The following PCDHGB5 variants were observed in gnomAD, a reference collection of about 807,000 sequenced individuals.
PCDHGB5 encodes the protein protocadherin gamma subfamily B, 5.
A neutral mutation model predicts 62.9 loss-of-function variants in PCDHGB5; 48 were observed. That is an observed-to-expected ratio of 0.76 (90% CI 0.61 to 0.97). PCDHGB5 has a LOEUF of 0.97. PCDHGB5 is among the 50% of genes least tolerant of loss of function. PCDHGB5 has a pLI of 0.00. For synonymous variants in PCDHGB5, 474 were observed against 511.2 expected, an observed-to-expected ratio of 0.93 and a Z score of 0.98; for missense variants, 1,118 against 1,198.6, an observed-to-expected ratio of 0.93 and a Z score of 0.99.
At chr5:141,458,217 T>C (rs1026901943) in intron 1 of PCDHGB5, among the ~76,000 whole-genome samples, 1 of 152,210 alleles carries the variant, frequency 6.6e-6, no homozygotes, top group Admixed American at 6.5e-5. Context: ...AAAATAAGTT[T>C]CCTTTCCCAG....
chr5:141,425,207 G>A lies in PCDHGB5; in HGVS notation c.2397+24683G>A, dbSNP rs546494803. 1.8e-3 allele frequency among the ~76,000 whole-genome samples: 281 copies of A among 152,238 alleles called. 1 individual carries two copies. The highest frequency in any genetic ancestry group is 6.6e-3 in the African/African-American group (274 of 41,534). ...TCCAAACTGAGAAAAATGATGTAAG[G>A]CATTGTACTTTGACTGGAATTAGTT... On this transcript the variant is annotated intron_variant, in intron 1 of 3. Coordinates refer to ENST00000617380, the MANE Select transcript of PCDHGB5 (RefSeq NM_018925.3).
intron 1 of PCDHGB5, among the ~76,000 whole-genome samples, chr5:141,453,710 A>C (rs988115758): frequency 3.9e-5 from 6 of 152,242 alleles, no homozygotes; most frequent in African/African-American, 1.4e-4. Context: ...GAACAGTTTC[A>C]CTATAAAAAT....
intron 1 of PCDHGB5, among the ~76,000 whole-genome samples, chr5:141,460,983 G>GTA (rs59296681): frequency 9.4e-4 from 130 of 137,840 alleles, no homozygotes; most frequent in Middle Eastern, 3.8e-3. Context: ...GTGTGTGTGT[G>GTA]TATATATATA....
chr5:141,457,336 C>T (rs1032184011), intron 1 of PCDHGB5, among the ~76,000 whole-genome samples: 6 of 152,158 alleles, frequency 3.9e-5, no homozygotes, highest in Admixed American at 3.3e-4. Context: ...AGGTACCTTA[C>T]TTACTTTCAT....
intron 1 of PCDHGB5, chr5:141,409,009 G>A (rs1189849996): frequency 6.2e-7 from 1 of 1,613,994 alleles, no homozygotes. Context: ...CCACTGACCA[G>A]GATGAGGGGG....
intron 1 of PCDHGB5, chr5:141,422,758 A>AAC (rs748292321): frequency 6.2e-7 from 1 of 1,613,150 alleles, no homozygotes. Flanking sequence ...TATTAACTCC[A>AAC]ACACTGGTGT....
At chr5:141,427,840 A>C (rs779622800) in intron 1 of PCDHGB5, 8 of 1,548,180 alleles carry the variant, frequency 5.2e-6, no homozygotes, top group Admixed American at 3.3e-5. Flanking sequence ...CGTGCCTTCG[A>C]CCACGAGCAG....
intron 2 of PCDHGB5, among the ~76,000 whole-genome samples, chr5:141,498,847 C>T (rs932801278): frequency 1.3e-5 from 2 of 151,856 alleles, no homozygotes; most frequent in Admixed American, 1.3e-4. Flanking sequence ...GCAGGGGAAT[C>T]GCTTGAACCC....
intron 2 of PCDHGB5, among the ~76,000 whole-genome samples, chr5:141,500,216 ATTT>A (rs979396489): frequency 3.1e-4 from 46 of 149,244 alleles, no homozygotes; most frequent in Non-Finnish European, 6.7e-4. Context: ...TTATTTATTT[ATTT>A]ATTTATTGAT....
At position 141,489,886 on chromosome 5, in the gene PCDHGB5, G is replaced by A; in HGVS notation, c.2398-4921G>A. ...ACATCAGCTGGTGCTTACTGCTGTG[G>A]ATGGGGGGACCCCAGCCCGCTCAGG... is the stretch of plus-strand genomic sequence containing the variant. On this transcript the variant is annotated intron_variant, in intron 1 of 3. Transcript: ENST00000617380. This position sits in a 1 kb window ranked among gnomAD's most constrained non-coding sequence, Gnocchi z 4.5. 6.2e-7 allele frequency: 1 copy of A among 1,614,256 alleles called. No individual in the cohort carries two copies. The highest frequency in any genetic ancestry group is 8.5e-7 in the Non-Finnish European group (1 of 1,180,044).
Position 141,498,864 on chromosome 5 carries a change from C to T in PCDHGB5, c.2456+3999C>T, listed in dbSNP as rs1370263013. Among the ~76,000 whole-genome samples the T allele has an allele frequency of 2.7e-5, 4 of 149,532 alleles. No homozygotes were observed. The East Asian group carries it at 5.9e-4, about 22-fold the overall frequency. ...AGGGGAATCGCTTGAACCCAGGAGG[C>T]GGAGGTTGCAGTGAGCTGAGATCAC... On this transcript the variant is annotated intron_variant, in intron 2 of 3. Coordinates refer to ENST00000617380, the MANE Select transcript of PCDHGB5 (RefSeq NM_018925.3).
At chr5:141,413,658 T>G (rs2154544690) in intron 1 of PCDHGB5, 1 of 1,613,860 alleles carries the variant, frequency 6.2e-7, no homozygotes, top group East Asian at 2.2e-5. Flanking sequence ...TCCCGGAAGC[T>G]ATTGATCCGG....
intron 2 of PCDHGB5, among the ~76,000 whole-genome samples, chr5:141,504,369 A>G (rs968327872): frequency 6.6e-5 from 10 of 152,272 alleles, no homozygotes; most frequent in Non-Finnish European, 1.2e-4. Context: ...AGTAGGAAGC[A>G]GGTGGAGTCG....
rs1596259997 is a variant in PCDHGB5, at chr5:141,509,990, A to G, written c.2546-957A>G. Among the ~76,000 whole-genome samples the G allele has an allele frequency of 2.6e-5, 4 of 152,266 alleles. No individual in the cohort carries two copies. The South Asian group carries it at 8.3e-4, about 32-fold the overall frequency. ...GGTCCTTCTAACACTTGGTTCCCTC[A>G]TCTGTAAAATGAGGGTCATACCACA... is the stretch of plus-strand genomic sequence containing the variant. On this transcript the variant is annotated intron_variant, in intron 3 of 3. Transcript: ENST00000617380.
Position 141,487,315 on chromosome 5 carries a change from G to C in PCDHGB5, c.2398-7492G>C, listed in dbSNP as rs568326280. On this transcript the variant is annotated intron_variant, in intron 1 of 3. Transcript: ENST00000617380. The surrounding 1 kb of genome is among the most constrained non-coding windows in gnomAD (Gnocchi z 5.0). ...GCTCATTCGTGGCACTACTCTCTAA[G>C]TGTCTTCGTGGGGCAGCCTGTGGAG... 6.2e-7 allele frequency: 1 copy of C among 1,614,166 alleles called. No individual in the cohort carries two copies. Among genetic ancestry groups the C allele is most frequent in the Admixed American group, 1.7e-5 (1 of 60,028 alleles).
intron 1 of PCDHGB5, among the ~76,000 whole-genome samples, chr5:141,465,159 A>C (rs1333891587): frequency 6.6e-6 from 1 of 151,952 alleles, no homozygotes; most frequent in East Asian, 1.9e-4. Flanking sequence ...AGGGACTCTA[A>C]ATGTTTATGA....
intron 1 of PCDHGB5, chr5:141,404,970 C>G: frequency 6.2e-7 from 1 of 1,614,058 alleles, no homozygotes; most frequent in East Asian, 2.2e-5. Context: ...GACATCCTGG[C>G]TGACCTGGGC....
Position 141,490,012 on chromosome 5 carries a change from G to A in PCDHGB5, c.2398-4795G>A. 1 of 1,614,232 alleles carries A rather than the reference G, an allele frequency of 6.2e-7. No homozygotes were observed. Among genetic ancestry groups the A allele is most frequent in the Non-Finnish European group, 8.5e-7 (1 of 1,180,044 alleles). ...GGGAATCCCAGAGAATGCACCCATT[G>A]GTACTCTGCTGCTCCGCCTCAATGC... is the stretch of plus-strand genomic sequence containing the variant. On this transcript the variant is annotated intron_variant, in intron 1 of 3. Transcript: ENST00000617380. This position sits in a 1 kb window ranked among gnomAD's most constrained non-coding sequence, Gnocchi z 5.4.
At position 141,398,861 on chromosome 5, in the gene PCDHGB5, A is replaced by G; in HGVS notation, c.734A>G (p.Asp245Gly). The G allele has an allele frequency of 6.2e-7, 1 of 1,613,990 alleles. No individual in the cohort carries two copies. Among genetic ancestry groups the G allele is most frequent in the South Asian group, 1.1e-5 (1 of 91,084 alleles). The change falls in exon 1 of 4, where the codon GAC (aspartate) becomes GGC (glycine). Residue 245 changes from aspartate to glycine, a missense_variant. Around this residue, in one of 2 missense-constraint regions of PCDHGB5, gnomAD observed 1,034 missense variants for 1,029.1 expected, o/e 1.00. Coordinates refer to ENST00000617380, the MANE Select transcript of PCDHGB5 (RefSeq NM_018925.3). ...ANDNPPVFNR[D>G]VYRVSLRENV... is the part of the protein sequence containing the mutation. ...GATAATCCCCCGGTATTCAACCGAG[A>G]CGTGTACAGAGTCAGCCTTCGGGAA...
Sources: allele counts gnomAD v4.1 joint callset (sites outside exome capture counted in the v4.1 genomes callset), GRCh38; gene constraint gnomAD v4.1.1; regional missense constraint gnomAD v4.1.1; non-coding constraint Gnocchi (gnomAD v3.1); transcripts MANE v1.5; gene names NCBI Gene and HGNC (gene_info 2026-07-23, HGNC 2026-07-21).